Variants in CCSER2 observed in about 807,000 individuals in gnomAD.
CCSER2 encodes the protein serine-rich coiled-coil domain-containing protein 2.
In CCSER2, 46 loss-of-function variants were observed where a neutral mutation model predicts 92.3. That is an observed-to-expected ratio of 0.50 (90% CI 0.39 to 0.64). The LOEUF (loss-of-function observed/expected upper bound fraction) is 0.64. Among genes scored for constraint, CCSER2 ranks in the 30% least tolerant of loss-of-function variants. The pLI is 0.00. For missense variants in CCSER2, 1,244 were observed against 1,238.9 expected, an observed-to-expected ratio of 1.00 and a Z score of -0.06; for synonymous variants, 433 against 431.4, an observed-to-expected ratio of 1.00 and a Z score of -0.04.
At chr10:84,394,287 A>G (rs1841696590) in intron 3 of CCSER2, among the ~76,000 whole-genome samples, 2 of 152,158 alleles carry the variant, frequency 1.3e-5, no homozygotes, top group African/African-American at 2.4e-5. Context: ...TTAGTTCAAA[A>G]TCTTGTTTGA....
intron 6 of CCSER2, among the ~76,000 whole-genome samples, chr10:84,442,778 G>C (rs1382160332): frequency 6.6e-6 from 1 of 152,100 alleles, no homozygotes; most frequent in Non-Finnish European, 1.5e-5. Context: ...CATGGTGCTG[G>C]TACCAAAACA....
chr10:84,451,120 A>G (rs920364423), intron 6 of CCSER2, among the ~76,000 whole-genome samples: 1 of 152,332 alleles, frequency 6.6e-6, no homozygotes, highest in Admixed American at 6.5e-5. Flanking sequence ...AACCCTTTAG[A>G]GCAGGGTATA....
At chr10:84,333,140 G>T (rs1843668949) in intron 1 of CCSER2, among the ~76,000 whole-genome samples, 1 of 151,984 alleles carries the variant, frequency 6.6e-6, no homozygotes, top group South Asian at 2.1e-4. Context: ...CAATATATTG[G>T]TTAATTGAAA....
intron 8 of CCSER2, among the ~76,000 whole-genome samples, chr10:84,471,292 A>G (rs1846782488): frequency 6.6e-6 from 1 of 152,154 alleles, no homozygotes; most frequent in South Asian, 2.1e-4. Context: ...CTGAATAAAA[A>G]GTAGCATAAT....
intron 6 of CCSER2, chr10:84,452,365 T>G (rs1845344005): frequency 6.6e-6 from 1 of 152,168 alleles, no homozygotes. Context: ...ATTATAGTAT[T>G]AGAACAAAAG....
chr10:84,353,181 T>C (rs1844960848), intron 1 of CCSER2, among the ~76,000 whole-genome samples: 1 of 152,122 alleles, frequency 6.6e-6, no homozygotes, highest in Non-Finnish European at 1.5e-5. Flanking sequence ...CTGACAGTCA[T>C]GTTCTCCTCT....
chr10:84,398,899 T>C (rs749711854), intron 3 of CCSER2, among the ~76,000 whole-genome samples: 1 of 152,226 alleles, frequency 6.6e-6, no homozygotes, highest in Non-Finnish European at 1.5e-5. Context: ...TTAAGGAAGT[T>C]TCTTCTGTAC....
At chr10:84,433,401 A>G (rs908845011) in intron 5 of CCSER2, among the ~76,000 whole-genome samples, 1 of 151,894 alleles carries the variant, frequency 6.6e-6, no homozygotes, top group Non-Finnish European at 1.5e-5. Flanking sequence ...TACATAAGAA[A>G]TGAAGAAGAA....
chr10:84,504,134 G>GT (rs897115423), intron 9 of CCSER2, among the ~76,000 whole-genome samples: 24 of 151,680 alleles, frequency 1.6e-4, no homozygotes, highest in Admixed American at 1.1e-3. Flanking sequence ...TCTCTATTCT[G>GT]TTTTTTTAAA....
intron 9 of CCSER2, among the ~76,000 whole-genome samples, chr10:84,488,877 G>A (rs1322696462): frequency 6.6e-6 from 1 of 152,152 alleles, no homozygotes; most frequent in Non-Finnish European, 1.5e-5. Flanking sequence ...TGGGCATTTA[G>A]TGCTATAAAT....
chr10:84,443,692 C>T (rs1589680945), intron 6 of CCSER2, among the ~76,000 whole-genome samples: 1 of 152,124 alleles, frequency 6.6e-6, no homozygotes, highest in Admixed American at 6.5e-5. Flanking sequence ...CACATGCACA[C>T]GTATGTTTAT....
intron 5 of CCSER2, among the ~76,000 whole-genome samples, chr10:84,432,333 TTTGGGATACAGATGATCCCATC>T (rs1431181998): frequency 1.3e-5 from 2 of 152,200 alleles, no homozygotes; most frequent in Admixed American, 1.3e-4. Flanking sequence ...GATACTGAGG[TTTGGGATACAGATGATCCCATC>T]ACCCAGGTAG....
chr10:84,436,145 T>G (rs926362331), intron 5 of CCSER2, among the ~76,000 whole-genome samples: 1 of 132,550 alleles, frequency 7.5e-6, no homozygotes, highest in African/African-American at 2.9e-5. Flanking sequence ...CTGTGAATGG[T>G]GAAACCCCCG....
chr10:84,514,539 C>G lies in CCSER2; in HGVS notation c.*272C>G. On this transcript the variant is annotated 3_prime_UTR_variant, in exon 10 of 10. Coordinates refer to ENST00000372088, the MANE Select transcript of CCSER2 (RefSeq NM_001284240.2). Reference sequence around the variant, plus strand: ...AAGGCCCAAATCATGTTATCCATCCCTCTCCACGTCAGAAAATTCATAATA... The same window carrying G: ...AAGGCCCAAATCATGTTATCCATCCGTCTCCACGTCAGAAAATTCATAATA... The G allele has an allele frequency of 4.5e-6, 2 of 446,046 alleles. No homozygotes were observed. The highest frequency in any genetic ancestry group is 7.9e-6 in the Non-Finnish European group (2 of 253,372). The allele number at this position is 446,046 out of a possible 1,614,324, so 27.6% of individuals were successfully genotyped here. A position where few individuals can be genotyped will look rare whatever the true frequency, so the allele number is the denominator to read the frequency against.
chr10:84,334,014 C>A (rs1163174273), intron 1 of CCSER2, among the ~76,000 whole-genome samples: 1 of 152,088 alleles, frequency 6.6e-6, no homozygotes, highest in African/African-American at 2.4e-5. Flanking sequence ...CTGGGAAACA[C>A]CAAATTACCA....
chr10:84,338,534 TTTATCC>T (rs1345605699), intron 1 of CCSER2, among the ~76,000 whole-genome samples: 2 of 152,230 alleles, frequency 1.3e-5, no homozygotes, highest in Non-Finnish European at 2.9e-5. Context: ...TGAAATTAAC[TTTATCC>T]TCATCTGTGC....
intron 8 of CCSER2, among the ~76,000 whole-genome samples, chr10:84,476,439 T>C (rs1429448670): frequency 4.8e-5 from 5 of 103,506 alleles, no homozygotes; most frequent in East Asian, 2.3e-4. Context: ...CTCTCTCTTT[T>C]TTTTTTTTTT....
intron 1 of CCSER2, among the ~76,000 whole-genome samples, chr10:84,350,910 A>T (rs1239822601): frequency 6.6e-6 from 1 of 152,210 alleles, no homozygotes; most frequent in African/African-American, 2.4e-5. Flanking sequence ...CCTCCTTTGT[A>T]TCCCTTTTGC....
At chr10:84,415,594 G>A (rs192761634) in intron 3 of CCSER2, among the ~76,000 whole-genome samples, 121 of 152,334 alleles carry the variant, frequency 7.9e-4, no homozygotes, top group African/African-American at 2.8e-3. Flanking sequence ...GTGGGAAGTG[G>A]CTGGAGACCC....
Sources: gnomAD v4.1 joint callset for allele counts (sites outside exome capture counted in the v4.1 genomes callset) on GRCh38, gnomAD v4.1.1 for gene constraint, MANE v1.5 for transcripts, NCBI Gene and HGNC (gene_info 2026-07-23, HGNC 2026-07-21) for gene names.